The following CYP27C1 variants were observed in gnomAD, a reference collection of about 807,000 sequenced individuals.
CYP27C1 encodes cytochrome P450 27C1.
CYP27C1 carries 29 observed loss-of-function variants against 40.6 expected under a neutral mutation model. The observed-to-expected ratio is 0.71, with a 90% CI of 0.53 to 0.97. CYP27C1 has a LOEUF of 0.97. Ranked by LOEUF, CYP27C1 falls within the 50% of genes least tolerant of loss-of-function variation. The probability of loss-of-function intolerance (pLI) is 0.00; values close to 1 mark genes in which losing one functional copy is unlikely to be tolerated. For synonymous variants in CYP27C1, 198 were observed against 186.8 expected (o/e 1.06, Z -0.49); for missense variants, 390 against 485.8 (o/e 0.80, Z 1.85).
chr2:127,190,206 T>A (rs1225292554), intron 8 of CYP27C1, among the ~76,000 whole-genome samples: 1 of 152,088 alleles, frequency 6.6e-6, no homozygotes, highest in Non-Finnish European at 1.5e-5. Context: ...ACAGTATGCT[T>A]TATCTAAGTC....
rs1682914335 is a variant in CYP27C1, at chr2:127,196,804, A to T, written c.1048-1303T>A. Among the ~76,000 whole-genome samples, 3 of 152,238 alleles carry T rather than the reference A, an allele frequency of 2.0e-5. No homozygotes were observed. Among genetic ancestry groups the T allele is most frequent in the Non-Finnish European group, 1.5e-5 (1 of 68,046 alleles). ...ACTGTTCTATGCCACCACATGAATG[A>T]ACCTGAGTCATTCTTCTGAGTGCAG... On this transcript the variant is annotated intron_variant, in intron 5 of 8. Coordinates refer to ENST00000664447, the MANE Select transcript of CYP27C1 (RefSeq NM_001367502.1). This position sits in a 1 kb window ranked among gnomAD's most constrained non-coding sequence, Gnocchi z 4.5.
Position 127,201,182 on chromosome 2 carries a change from G to C in CYP27C1, c.823C>G (p.Pro275Ala). 1 of 1,614,090 alleles carries C rather than the reference G, an allele frequency of 6.2e-7. No individual in the cohort carries two copies. The highest frequency in any genetic ancestry group is 8.5e-7 in the Non-Finnish European group (1 of 1,180,026). ...YAGAIPRWLR[P>A]FIPKPWREFC... ...TCCCGCCAGGGCTTTGGGATGAAGG[G>C]GCGAAGCCATCTGGGGATGGCGCCT... is the stretch of plus-strand genomic sequence containing the variant. Residue 275 changes from proline to alanine, a missense_variant, in exon 4 of 9, where the codon CCC becomes GCC. Physicochemically the swap from Pro to Ala is conservative, Grantham distance 27. Transcript: ENST00000664447. The surrounding 1 kb of genome is among the most constrained non-coding windows in gnomAD (Gnocchi z 6.0).
intron 1 of CYP27C1, among the ~76,000 whole-genome samples, chr2:127,215,734 C>T (rs1683419165): frequency 6.6e-6 from 1 of 151,804 alleles, no homozygotes; most frequent in African/African-American, 2.4e-5. Flanking sequence ...GCAAAAACAA[C>T]CTTCGGATGG....
chr2:127,189,384 A>G (rs1682711148), intron 8 of CYP27C1, among the ~76,000 whole-genome samples: 1 of 152,040 alleles, frequency 6.6e-6, no homozygotes, highest in African/African-American at 2.4e-5. Flanking sequence ...GAAAGGCCCC[A>G]CTGTTGGGAG....
rs1683021439 is a variant in CYP27C1 at position 127,201,059 on chromosome 2, T to C, written c.883+63A>G. 3.3e-6 allele frequency: 5 copies of C among 1,493,654 alleles called. No homozygotes were observed. The highest frequency in any genetic ancestry group is 4.6e-6 in the Non-Finnish European group (5 of 1,078,518). The allele number at this position is 1,493,654 out of a possible 1,614,324, so 92.5% of individuals were successfully genotyped here. A position where few individuals can be genotyped will look rare whatever the true frequency, so the allele number is the denominator to read the frequency against. Reference sequence around the variant, plus strand: ...TGGTCACCCATTGTCTGGATGAGAGTTAGACACACAACACGGCAGGTCAAC... The same window carrying C: ...TGGTCACCCATTGTCTGGATGAGAGCTAGACACACAACACGGCAGGTCAAC... On this transcript the variant is annotated intron_variant, in intron 4 of 8. Transcript: ENST00000664447. This position sits in a 1 kb window ranked among gnomAD's most constrained non-coding sequence, Gnocchi z 6.0.
intron 8 of CYP27C1, among the ~76,000 whole-genome samples, chr2:127,187,887 C>T (rs949619032): frequency 6.6e-6 from 1 of 152,184 alleles, no homozygotes; most frequent in Non-Finnish European, 1.5e-5. Context: ...TTTAAATATT[C>T]TTGGTTCGTA....
Position 127,200,980 on chromosome 2 carries a change from A to G in CYP27C1, c.883+142T>C, listed in dbSNP as rs541444622. On this transcript the variant is annotated intron_variant, in intron 4 of 8. Coordinates refer to ENST00000664447, the MANE Select transcript of CYP27C1 (RefSeq NM_001367502.1). This position sits in a 1 kb window ranked among gnomAD's most constrained non-coding sequence, Gnocchi z 4.2. ...TCCGTCTCAAAAAAAAAAAAAATCC[A>G]AAAGTTATGGGTCCAAAAACTAACA... 179 of 883,696 alleles carry G rather than the reference A, an allele frequency of 2.0e-4. No homozygotes were observed. Among genetic ancestry groups the G allele is most frequent in the Non-Finnish European group, 4.7e-5 (27 of 573,522 alleles). 54.7% of individuals were successfully genotyped at this position (883,696 alleles called of 1,614,324 possible). A position where few individuals can be genotyped will look rare whatever the true frequency, so the allele number is the denominator to read the frequency against.
chr2:127,216,339 C>T (rs550336283), intron 1 of CYP27C1, among the ~76,000 whole-genome samples: 20 of 152,264 alleles, frequency 1.3e-4, no homozygotes, highest in Admixed American at 5.2e-4. Context: ...TATAGTCATA[C>T]GCTGCAATAT....
intron 2 of CYP27C1, among the ~76,000 whole-genome samples, chr2:127,204,440 AAAAG>A (rs59482629): frequency 0.052 from 2,147 of 41,282 alleles, 145 homozygotes; most frequent in African/African-American, 0.08. Flanking sequence ...GAAAGAAAGA[AAAAG>A]AAAGAAAGAA....
rs2104668430 is a variant in CYP27C1, at chr2:127,186,577, T to C, written c.*694A>G. On this transcript the variant is annotated 3_prime_UTR_variant, in exon 9 of 9. Coordinates refer to ENST00000664447, the MANE Select transcript of CYP27C1 (RefSeq NM_001367502.1). This position sits in a 1 kb window ranked among gnomAD's most constrained non-coding sequence, Gnocchi z 4.5. ...CCACCACGCCCGGCTAATTTTTGTA[T>C]TTTTGGTAGAGACAGGGTTTCACCA... The C allele has an allele frequency of 6.6e-6, 1 of 152,180 alleles. No homozygotes were observed. The highest frequency in any genetic ancestry group is 6.6e-5 in the Admixed American group (1 of 15,266). The allele number at this position is 152,180 out of a possible 1,614,324, so 9.4% of individuals were successfully genotyped here.
rs1281287161 is a variant in CYP27C1, at chr2:127,196,609, A to C, written c.1048-1108T>G. Reference sequence around the variant, plus strand: ...GAAGATATCACGTGTTTTAGAGGGCAGCCCTCTTGTATATATAATATAATG... The same window carrying C: ...GAAGATATCACGTGTTTTAGAGGGCCGCCCTCTTGTATATATAATATAATG... On this transcript the variant is annotated intron_variant, in intron 5 of 8. Transcript: ENST00000664447. This position sits in a 1 kb window ranked among gnomAD's most constrained non-coding sequence, Gnocchi z 4.5. 1.3e-5 allele frequency among the ~76,000 whole-genome samples: 2 copies of C among 152,158 alleles called. No individual in the cohort carries two copies. The highest frequency in any genetic ancestry group is 2.9e-5 in the Non-Finnish European group (2 of 68,036).
intron 5 of CYP27C1, among the ~76,000 whole-genome samples, chr2:127,198,613 G>A (rs1682960853): frequency 6.6e-6 from 1 of 152,136 alleles, no homozygotes; most frequent in Admixed American, 6.5e-5. Context: ...ATACAATGGT[G>A]ATCCCATAAG....
chr2:127,199,547 A>G lies in CYP27C1; in HGVS notation c.884-8T>C. 6.2e-7 allele frequency: 1 copy of G among 1,609,312 alleles called. No individual in the cohort carries two copies. The highest frequency in any genetic ancestry group is 1.7e-5 in the Admixed American group (1 of 59,730). On this transcript the variant is annotated splice_polypyrimidine_tract_variant and splice_region_variant and intron_variant, in intron 4 of 8. Coordinates refer to ENST00000664447, the MANE Select transcript of CYP27C1 (RefSeq NM_001367502.1). ...TGTCAACATGAATTTGGCCTGTTTG[A>G]AAACAGTATTTCTTTTGAAAGGAGT...
Position 127,218,974 on chromosome 2 carries a change from G to C in CYP27C1, c.282+1015C>G, listed in dbSNP as rs1350235420. Among the ~76,000 whole-genome samples the C allele has an allele frequency of 6.6e-6, 1 of 152,122 alleles. No individual in the cohort carries two copies. The highest frequency in any genetic ancestry group is 2.4e-5 in the African/African-American group (1 of 41,422). Reference sequence around the variant, plus strand: ...AGTGGGAAGCGTGCGGAATTCGCCGGCCCCAACGCCCTAGCGGGTGGCTGG... The same window carrying C: ...AGTGGGAAGCGTGCGGAATTCGCCGCCCCCAACGCCCTAGCGGGTGGCTGG... On this transcript the variant is annotated intron_variant, in intron 1 of 8. Transcript: ENST00000664447. This position sits in a 1 kb window ranked among gnomAD's most constrained non-coding sequence, Gnocchi z 6.0.
chr2:127,205,136 C>G (rs1683195561), intron 2 of CYP27C1, among the ~76,000 whole-genome samples: 1 of 152,256 alleles, frequency 6.6e-6, no homozygotes, highest in African/African-American at 2.4e-5. Flanking sequence ...CAGAGAGATT[C>G]TGCCTCAGCA....
At chr2:127,217,285 T>A (rs140803169) in intron 1 of CYP27C1, among the ~76,000 whole-genome samples, 1 of 152,344 alleles carries the variant, frequency 6.6e-6, no homozygotes, top group East Asian at 1.9e-4. Context: ...ACTAGCTGAA[T>A]AACCTTTGGA....
intron 1 of CYP27C1, among the ~76,000 whole-genome samples, chr2:127,210,411 CA>C (rs1683312786): frequency 6.6e-6 from 1 of 152,038 alleles, no homozygotes; most frequent in Admixed American, 6.6e-5. Context: ...AAAAACACAC[CA>C]AAATATAAAG....
chr2:127,206,825 G>C (rs757832096), intron 1 of CYP27C1, among the ~76,000 whole-genome samples: 29 of 152,210 alleles, frequency 1.9e-4, no homozygotes, highest in Non-Finnish European at 3.1e-4. Context: ...CTCCCAGCAA[G>C]AAAATGAAGG....
rs1193433834 is a variant in CYP27C1, at chr2:127,203,409, G to C, written c.636C>G (p.Thr212=). The change falls in exon 3 of 9, where the codon ACC becomes ACG. Residue 212 remains threonine (T), a synonymous_variant. Coordinates refer to ENST00000664447, the MANE Select transcript of CYP27C1 (RefSeq NM_001367502.1). ...RSQAEDGETV[T]NVNDLFFKYS... is the part of the protein sequence containing the mutation. ...ATTTGAAGAAAAGATCATTGACATT[G>C]GTCACGGTTTCTCCATCTTCTGCCT... 6.2e-7 allele frequency: 1 copy of C among 1,613,548 alleles called. No homozygotes were observed. Among genetic ancestry groups the C allele is most frequent in the East Asian group, 2.2e-5 (1 of 44,854 alleles).
Sources: allele counts gnomAD v4.1 joint callset (sites outside exome capture counted in the v4.1 genomes callset), GRCh38; gene constraint gnomAD v4.1.1; non-coding constraint Gnocchi (gnomAD v3.1); transcripts MANE v1.5; gene names NCBI Gene and HGNC (gene_info 2026-07-23, HGNC 2026-07-21).